Variants in PRR5 observed in about 807,000 individuals in gnomAD.
The protein encoded by PRR5 is proline rich 5.
Under a neutral mutation model 30.6 loss-of-function variants are expected in PRR5, and 25 were observed. The observed-to-expected ratio is 0.82, with a 90% CI of 0.60 to 1.14. The LOEUF is 1.14. Ranked by LOEUF, PRR5 falls within the 50% of genes most tolerant of loss-of-function variation. The pLI is 0.00. For synonymous variants in PRR5, 286 were observed against 247.1 expected, an observed-to-expected ratio of 1.16 and a Z score of -1.48; for missense variants, 600 against 547.1, an observed-to-expected ratio of 1.10 and a Z score of -0.96.
chr22:44,694,047 A>G (rs1452887248), intron 1 of PRR5, among the ~76,000 whole-genome samples: 1 of 152,118 alleles, frequency 6.6e-6, no homozygotes, highest in Non-Finnish European at 1.5e-5. Flanking sequence ...TGTCACATTC[A>G]TAGGTGCCAA....
Position 44,714,618 on chromosome 22 carries a change from C to G in PRR5, c.162C>G (p.Phe54Leu), listed in dbSNP as rs764931123. Reference sequence around the variant, plus strand: ...TCCACAACGGGGTGATCGCCGTCTTCCAGCGCAAGGGGCTGCCCGACCAGG... The same window carrying G: ...TCCACAACGGGGTGATCGCCGTCTTGCAGCGCAAGGGGCTGCCCGACCAGG... ...NSIHNGVIAVFQRKGLPDQEL... is the reference protein window; with the variant it reads ...NSIHNGVIAVLQRKGLPDQEL... Residue 54 changes from phenylalanine to leucine, a missense_variant, in exon 2 of 8, where the codon TTC (phenylalanine) becomes TTG (leucine). Phe to Leu is a conservative substitution (Grantham distance 22). Transcript: ENST00000336985. 8.7e-6 allele frequency: 14 copies of G among 1,613,634 alleles called. No individual in the cohort carries two copies. The South Asian group carries it at 1.2e-4, about 14-fold the overall frequency.
intron 4 of PRR5, chr22:44,729,313 G>A: frequency 1.0e-6 from 1 of 978,154 alleles, no homozygotes; most frequent in African/African-American, 1.7e-5. Context: ...TTGGTTTGCA[G>A]GGCCTGCACA....
chr22:44,691,722 C>T lies in PRR5; in HGVS notation c.-10-10770C>T, dbSNP rs1052097043. 1.3e-5 allele frequency among the ~76,000 whole-genome samples: 2 copies of T among 152,042 alleles called. No homozygotes were observed. Among genetic ancestry groups the T allele is most frequent in the East Asian group, 1.9e-4 (1 of 5,180 alleles). ...CTGGGAGGTAGAGGCTGCAGTGAGC[C>T]GAGATTGCACCACTGCATTCCAGCC... On this transcript the variant is annotated intron_variant, in intron 1 of 8. Coordinates refer to the PRR5 transcript ENST00000006251. This position sits in a 1 kb window ranked among gnomAD's most constrained non-coding sequence, Gnocchi z 4.4.
chr22:44,729,861 A>AC (rs1569107401), intron 4 of PRR5: 2 of 985,282 alleles, frequency 2.0e-6, no homozygotes, highest in Non-Finnish European at 2.4e-6. Flanking sequence ...GCCCAGAGCC[A>AC]CCCCCCGGCC....
chr22:44,676,390 CAAAAAAAAAAA>C (rs59016907), upstream of PRR5, among the ~76,000 whole-genome samples: 7 of 37,066 alleles, frequency 1.9e-4, no homozygotes, highest in South Asian at 2.8e-3. Flanking sequence ...GACCCTGTCT[CAAAAAAAAAAA>C]AAAAAAAAAA....
chr22:44,730,688 C>G (rs1380411342), intron 4 of PRR5: 1 of 1,007,988 alleles, frequency 9.9e-7, no homozygotes, highest in African/African-American at 1.7e-5. Flanking sequence ...GATGCTCTTC[C>G]TCCAGGAAGC....
chr22:44,693,628 T>A, intron 1 of PRR5, among the ~76,000 whole-genome samples: 1 of 140,298 alleles, frequency 7.1e-6, no homozygotes, highest in Admixed American at 7.3e-5. Context: ...TTTTTTTTTT[T>A]TTTTTTTTTT....
chr22:44,679,687 CA>C, intron 1 of PRR5: 1 of 1,018,836 alleles, frequency 9.8e-7, no homozygotes, highest in Non-Finnish European at 1.4e-6. Flanking sequence ...GCCTGGGCAA[CA>C]AGAGCGAAAC....
intron 1 of PRR5, among the ~76,000 whole-genome samples, chr22:44,710,175 C>G (rs1057441761): frequency 3.3e-5 from 5 of 152,164 alleles, no homozygotes; most frequent in African/African-American, 1.2e-4. Flanking sequence ...GGATCAGCCC[C>G]TAGGGCCTCA....
At position 44,736,863 on chromosome 22, in the gene PRR5, C is replaced by A; in HGVS notation, c.783C>A (p.Asn261Lys). The A allele has an allele frequency of 6.2e-7, 1 of 1,609,286 alleles. No individual in the cohort carries two copies. The highest frequency in any genetic ancestry group is 8.5e-7 in the Non-Finnish European group (1 of 1,177,830). ...RSKSYNTPLL[N>K]PVQEHEAEGA... ...AGAGCTACAACACGCCTCTGCTGAA[C>A]CCCGTGCAGGAGCACGAGGCGGAGG... is the stretch of plus-strand genomic sequence containing the variant. The change falls in exon 8 of 8, where the codon AAC (asparagine) becomes AAA (lysine). Residue 261 changes from asparagine to lysine, a missense_variant. Asn to Lys is a moderately conservative substitution (Grantham distance 94, BLOSUM62 0). Coordinates refer to ENST00000336985, the MANE Select transcript of PRR5 (RefSeq NM_181333.4).
intron 1 of PRR5, among the ~76,000 whole-genome samples, chr22:44,669,635 C>A (rs1404766533): frequency 6.6e-6 from 1 of 152,204 alleles, no homozygotes; most frequent in African/African-American, 2.4e-5. Context: ...TCCACCAGAG[C>A]CAAGGTAGAA....
In PRR5 at chr22:44,737,085, C is replaced by T. The variant is rs777674202; in HGVS notation, c.1005C>T (p.Pro335=). ...TTQPPEQGLD[P]TRSSLPRSSP... ...AGCCCCCTGAGCAGGGCTTGGATCCCACCCGCAGCTCCCTGCCCCGCTCCA... is the reference window on the plus strand; with the variant it reads ...AGCCCCCTGAGCAGGGCTTGGATCCTACCCGCAGCTCCCTGCCCCGCTCCA... The change falls in exon 8 of 8, where the codon CCC becomes CCT. Residue 335 remains proline, a synonymous_variant. Transcript: ENST00000336985. The T allele has an allele frequency of 1.4e-5, 22 of 1,611,392 alleles. No homozygotes were observed. Among genetic ancestry groups the T allele is most frequent in the Non-Finnish European group, 1.9e-5 (22 of 1,179,854 alleles).
intron 1 of PRR5, among the ~76,000 whole-genome samples, chr22:44,682,826 C>T (rs540438957): frequency 1.3e-5 from 2 of 152,324 alleles, no homozygotes; most frequent in African/African-American, 4.8e-5. Context: ...CGCCCAAGGC[C>T]TCTCTGAGCC....
At chr22:44,731,898 C>T in intron 5 of PRR5, 77 bp downstream of exon 5, 2 of 1,453,128 alleles carry the variant, frequency 1.4e-6, no homozygotes, top group Non-Finnish European at 9.4e-7. Flanking sequence ...CAGAGGGGGG[C>T]CGCCAGGCTT....
chr22:44,669,262 A>G (rs967800969), intron 1 of PRR5, among the ~76,000 whole-genome samples: 3 of 151,842 alleles, frequency 2.0e-5, no homozygotes, highest in Non-Finnish European at 4.4e-5. Context: ...TCCCCCTAAT[A>G]GGGCAAACAA....
chr22:44,723,110 C>T (rs1053719639), intron 2 of PRR5, among the ~76,000 whole-genome samples: 1 of 151,892 alleles, frequency 6.6e-6, no homozygotes, highest in African/African-American at 2.4e-5. Context: ...CTCAGACTCC[C>T]GAGGAGCTGA....
At chr22:44,706,938 T>C (rs541904671) in intron 1 of PRR5, among the ~76,000 whole-genome samples, 20 of 152,250 alleles carry the variant, frequency 1.3e-4, no homozygotes, top group African/African-American at 4.6e-4. Flanking sequence ...GCCCACTCCT[T>C]ATTTATTGGT....
chr22:44,737,101 C>A lies in PRR5; in HGVS notation c.1021C>A (p.Pro341Thr), dbSNP rs1260166692. 2.5e-6 allele frequency: 4 copies of A among 1,612,178 alleles called. No individual in the cohort carries two copies. Among genetic ancestry groups the A allele is most frequent in the Non-Finnish European group, 3.4e-6 (4 of 1,179,962 alleles). The change falls in exon 8 of 8, where the codon CCC becomes ACC. Residue 341 changes from proline (P) to threonine (T), a missense_variant. Physicochemically the swap from Pro to Thr is conservative, Grantham distance 38. Coordinates refer to ENST00000336985, the MANE Select transcript of PRR5 (RefSeq NM_181333.4). ...QGLDPTRSSLPRSSPENLVDQ... is the reference protein window; with the variant it reads ...QGLDPTRSSLTRSSPENLVDQ... ...CTTGGATCCCACCCGCAGCTCCCTGCCCCGCTCCAGCCCGGAGAACCTGGT... is the reference window on the plus strand; with the variant it reads ...CTTGGATCCCACCCGCAGCTCCCTGACCCGCTCCAGCCCGGAGAACCTGGT...
chr22:44,732,408 G>T lies in PRR5; in HGVS notation c.555+17G>T, dbSNP rs5764979. On this transcript the variant is annotated intron_variant, in intron 6 of 7. Coordinates refer to ENST00000336985, the MANE Select transcript of PRR5 (RefSeq NM_181333.4). ...GTGCTGCAGGTGGGCACAGTGGGCA[G>T]AGGGTCGGGCATGGGGACCGTGGGG... is the stretch of plus-strand genomic sequence containing the variant. 7.5e-6 allele frequency: 12 copies of T among 1,598,190 alleles called. No individual in the cohort carries two copies. Among genetic ancestry groups the T allele is most frequent in the Non-Finnish European group, 1.0e-5 (12 of 1,172,924 alleles).
Sources: gnomAD v4.1 joint callset for allele counts (sites outside exome capture counted in the v4.1 genomes callset) on GRCh38, gnomAD v4.1.1 for gene constraint, Gnocchi (gnomAD v3.1) non-coding constraint, MANE v1.5 for transcripts, NCBI Gene and HGNC (gene_info 2026-07-23, HGNC 2026-07-21) for gene names.